The following CCDC18 variants were observed in gnomAD, a reference collection of about 807,000 sequenced individuals.
CCDC18 encodes coiled-coil domain-containing protein 18.
CCDC18 carries 157 observed loss-of-function variants against 196.0 expected under a neutral mutation model. The observed-to-expected ratio is 0.80, with a 90% CI of 0.70 to 0.91. The LOEUF is 0.91. CCDC18 is among the 40% of genes least tolerant of loss of function. The probability of loss-of-function intolerance (pLI) is 0.00; values close to 1 mark genes in which losing one functional copy is unlikely to be tolerated. For synonymous variants in CCDC18, 482 were observed against 529.2 expected, an observed-to-expected ratio of 0.91 and a Z score of 1.22; for missense variants, 1,465 against 1,611.6, an observed-to-expected ratio of 0.91 and a Z score of 1.56.
intron 22 of CCDC18, among the ~76,000 whole-genome samples, chr1:93,246,621 C>T (rs668944): frequency 0.29 from 43,523 of 151,880 alleles, 9,451 homozygotes; most frequent in African/African-American, 0.61. Context: ...AAAAAAAATG[C>T]ATATGGGGCT....
intron 23 of CCDC18, among the ~76,000 whole-genome samples, chr1:93,247,224 G>A (rs1208685542): frequency 6.6e-6 from 1 of 151,716 alleles, no homozygotes; most frequent in Non-Finnish European, 1.5e-5. Flanking sequence ...ACCACACTCT[G>A]TGGATCTTTC....
rs200891592 is a variant in CCDC18 at position 93,221,735 on chromosome 1, A to G, written c.2089A>G (p.Ser697Gly). Residue 697 changes from serine (S) to glycine (G), a missense_variant, in exon 15 of 29, where the codon AGC (serine) becomes GGC (glycine). By Grantham distance (56) the Ser-to-Gly change is moderately conservative. Coordinates refer to ENST00000690025, the MANE Select transcript of CCDC18 (RefSeq NM_001378204.1). ...LESLDRLLTE[S>G]KGEMKKENMK... ...ATCACTAGATAGACTCTTGACGGAA[A>G]GCAAAGGGGTAAAATCATCCTTATA... 1.3e-4 allele frequency: 212 copies of G among 1,597,876 alleles called. No homozygotes were observed. The Middle Eastern group carries it at 2.0e-3, about 15-fold the overall frequency.
chr1:93,243,268 A>G (rs1382726118), intron 21 of CCDC18, among the ~76,000 whole-genome samples: 15 of 152,284 alleles, frequency 9.9e-5, no homozygotes. Context: ...CTGTGTACTC[A>G]CAGATTCAAC....
At chr1:93,260,402 G>A (rs1275207913) in intron 26 of CCDC18, among the ~76,000 whole-genome samples, 1 of 151,974 alleles carries the variant, frequency 6.6e-6, no homozygotes, top group Non-Finnish European at 1.5e-5. Flanking sequence ...ATAAGTACAT[G>A]CTGCTGCATT....
At chr1:93,267,924 T>C (rs1483504096) in intron 27 of CCDC18, among the ~76,000 whole-genome samples, 1 of 152,106 alleles carries the variant, frequency 6.6e-6, no homozygotes, top group Admixed American at 6.5e-5. Flanking sequence ...TTCACAAAAC[T>C]GGAAAACAAC....
chr1:93,183,029 T>G (rs1261363360), intron 1 of CCDC18, among the ~76,000 whole-genome samples: 1 of 152,196 alleles, frequency 6.6e-6, no homozygotes, highest in Non-Finnish European at 1.5e-5. Flanking sequence ...AGCAAGTTAT[T>G]TAATGTCTGA....
At chr1:93,257,260 C>A (rs28451170) in intron 25 of CCDC18, among the ~76,000 whole-genome samples, 11,643 of 74,816 alleles carry the variant, frequency 0.16, 656 homozygotes, top group Middle Eastern at 0.23. Context: ...AAAAAAAAAA[C>A]ATGAAAACTA....
chr1:93,212,078 TCCC>T lies in CCDC18; in HGVS notation c.1335-22_1335-20del. ...TTTATAGAATCTTTCTAATAATTTT[TCCC>T]TTCTTTTCTTTTGTGCCAGAATTAA... On this transcript the variant is annotated intron_variant, in intron 10 of 28. Transcript: ENST00000690025. The T allele has an allele frequency of 6.3e-7, 1 of 1,575,256 alleles. No individual in the cohort carries two copies.
chr1:93,210,701 T>G, intron 9 of CCDC18, 101 bp from the exon 10 acceptor site: 1 of 765,826 alleles, frequency 1.3e-6, no homozygotes, highest in Non-Finnish European at 2.1e-6. Flanking sequence ...TTAAGTTGTT[T>G]CCATTAAATT....
At chr1:93,274,038 T>A (rs1665497630) in intron 28 of CCDC18, among the ~76,000 whole-genome samples, 1 of 152,158 alleles carries the variant, frequency 6.6e-6, no homozygotes, top group African/African-American at 2.4e-5. Flanking sequence ...CTTTACATAA[T>A]TGTATTGGTA....
At chr1:93,216,519 C>T in intron 12 of CCDC18, 117 bp from the exon 13 acceptor site, 3 of 498,052 alleles carry the variant, frequency 6.0e-6, no homozygotes, top group South Asian at 3.5e-5. Context: ...GTAAGTTTGC[C>T]CAATTTACCT....
At chr1:93,237,806 T>G (rs1660260256) in intron 19 of CCDC18, among the ~76,000 whole-genome samples, 1 of 152,172 alleles carries the variant, frequency 6.6e-6, no homozygotes, top group Non-Finnish European at 1.5e-5. Flanking sequence ...CACCTTGGCT[T>G]CTCATTTTTA....
At position 93,239,891 on chromosome 1, in the gene CCDC18, A is replaced by C. The variant is rs780794979; in HGVS notation, c.2976A>C (p.Glu992Asp). ...KYTTIKDLTA[E>D]LRECKMEIED... ...CTACTATAAAGGATCTCACAGCTGA[A>C]CTTAGGTGAGTTAAATAATAAGAAA... The change falls in exon 21 of 29, where the codon GAA (glutamate) becomes GAC (aspartate). Residue 992 changes from glutamate to aspartate, a missense_variant. Physicochemically the swap from Glu to Asp is conservative, Grantham distance 45 (BLOSUM62 2). Coordinates refer to ENST00000690025, the MANE Select transcript of CCDC18 (RefSeq NM_001378204.1). The C allele has an allele frequency of 1.9e-6, 3 of 1,580,776 alleles. No individual in the cohort carries two copies. Among genetic ancestry groups the C allele is most frequent in the Non-Finnish European group, 1.7e-6 (2 of 1,154,612 alleles).
At chr1:93,259,010 T>C (rs1570609411) in intron 26 of CCDC18, 125 bp downstream of exon 26, 2 of 750,080 alleles carry the variant, frequency 2.7e-6, no homozygotes, top group East Asian at 6.6e-5. Flanking sequence ...TCATTTCTGG[T>C]AGCCTAAACA....
chr1:93,209,194 G>T (rs1191473191), intron 9 of CCDC18, among the ~76,000 whole-genome samples: 5 of 152,154 alleles, frequency 3.3e-5, no homozygotes, highest in Non-Finnish European at 1.5e-5. Context: ...CCAACCTCAG[G>T]TGATCTGCCT....
chr1:93,205,948 A>G (rs1214248153), intron 8 of CCDC18, among the ~76,000 whole-genome samples: 1 of 152,132 alleles, frequency 6.6e-6, no homozygotes, highest in Non-Finnish European at 1.5e-5. Context: ...ATAATATCCG[A>G]TGTTCTAAAA....
At chr1:93,228,507 T>TAA (rs34585083) in intron 17 of CCDC18, among the ~76,000 whole-genome samples, 27 of 141,690 alleles carry the variant, frequency 1.9e-4, no homozygotes, top group Middle Eastern at 3.5e-3. Flanking sequence ...CTTAGAAGTT[T>TAA]AAAAAAAAAA....
At chr1:93,245,466 T>A (rs1259660003) in intron 21 of CCDC18, among the ~76,000 whole-genome samples, 1 of 152,160 alleles carries the variant, frequency 6.6e-6, no homozygotes, top group East Asian at 1.9e-4. Flanking sequence ...AGATCAACAT[T>A]TTCAACCTTT....
At chr1:93,254,269 A>G (rs1472131246) in intron 23 of CCDC18, among the ~76,000 whole-genome samples, 1 of 152,164 alleles carries the variant, frequency 6.6e-6, no homozygotes, top group Non-Finnish European at 1.5e-5. Flanking sequence ...GGGGAATATG[A>G]GTGGGTTACC....
Sources: gnomAD v4.1 joint callset for allele counts (sites outside exome capture counted in the v4.1 genomes callset) on GRCh38, gnomAD v4.1.1 for gene constraint, MANE v1.5 for transcripts, NCBI Gene and HGNC (gene_info 2026-07-23, HGNC 2026-07-21) for gene names.